The following AGBL4 variants were observed in gnomAD, a reference collection of about 807,000 sequenced individuals.
AGBL4 encodes the protein cytosolic carboxypeptidase 6.
A neutral mutation model predicts 66.4 loss-of-function variants in AGBL4; 58 were observed. That is an observed-to-expected ratio of 0.87 (90% CI 0.71 to 1.09). The LOEUF is 1.09. Among genes scored for constraint, AGBL4 ranks in the 50% least tolerant of loss-of-function variants. AGBL4 has a pLI of 0.00. For synonymous variants in AGBL4, 234 were observed against 222.9 expected, an observed-to-expected ratio of 1.05 and a Z score of -0.44; for missense variants, 579 against 631.0, an observed-to-expected ratio of 0.92 and a Z score of 0.88.
intron 1 of AGBL4, among the ~76,000 whole-genome samples, chr1:49,940,203 C>T (rs1426151253): frequency 6.6e-6 from 1 of 152,178 alleles, no homozygotes; most frequent in African/African-American, 2.4e-5. Context: ...CAGGAAACAA[C>T]AGGTGCTGGA....
At chr1:49,892,435 G>A (rs981672344) in intron 1 of AGBL4, among the ~76,000 whole-genome samples, 9 of 152,078 alleles carry the variant, frequency 5.9e-5, no homozygotes, top group African/African-American at 1.4e-4. Context: ...TCTACTTAGT[G>A]TGCTAAATTA....
chr1:48,679,333 C>T (rs918414444), intron 6 of AGBL4, among the ~76,000 whole-genome samples: 21 of 152,182 alleles, frequency 1.4e-4, no homozygotes, highest in African/African-American at 4.6e-4. Context: ...CCAGCTCTGA[C>T]ACCACTGGCT....
intron 6 of AGBL4, among the ~76,000 whole-genome samples, chr1:48,663,734 A>AT (rs903099253): frequency 1.9e-4 from 29 of 152,218 alleles, no homozygotes; most frequent in African/African-American, 7.0e-4. Context: ...AGCTATTTAT[A>AT]TATTAGTAAT....
intron 2 of AGBL4, among the ~76,000 whole-genome samples, chr1:49,737,536 A>T (rs1157974604): frequency 6.6e-6 from 1 of 152,152 alleles, no homozygotes; most frequent in Non-Finnish European, 1.5e-5. Context: ...TAGAGGTGGG[A>T]GAGAGAGACA....
intron 1 of AGBL4, among the ~76,000 whole-genome samples, chr1:49,919,917 T>C (rs1361118627): frequency 4.0e-5 from 6 of 150,930 alleles, no homozygotes; most frequent in South Asian, 4.2e-4. Context: ...CAGAACAGAG[T>C]CCTCAGAAAT....
intron 3 of AGBL4, among the ~76,000 whole-genome samples, chr1:49,410,742 A>G (rs1318399592): frequency 6.6e-6 from 1 of 152,210 alleles, no homozygotes; most frequent in African/African-American, 2.4e-5. Context: ...GTCTATGTAT[A>G]AAATGCAAAT....
chr1:49,941,630 A>G (rs1361724639), intron 1 of AGBL4, among the ~76,000 whole-genome samples: 1 of 152,118 alleles, frequency 6.6e-6, no homozygotes, highest in Non-Finnish European at 1.5e-5. Context: ...ATAAAAAATT[A>G]TATGATCATC....
chr1:49,604,023 T>C (rs1226445651), intron 3 of AGBL4, among the ~76,000 whole-genome samples: 1 of 151,780 alleles, frequency 6.6e-6, no homozygotes, highest in Non-Finnish European at 1.5e-5. Flanking sequence ...CGGTGAATTG[T>C]GCTGTAATAA....
rs1282696674 is a variant in AGBL4, at chr1:49,832,573, C to A, written c.157+18823G>T. 1.1e-4 allele frequency among the ~76,000 whole-genome samples: 16 copies of A among 151,952 alleles called. No homozygotes were observed. In the East Asian group the frequency reaches 3.1e-3, roughly 29 times the overall value. On this transcript the variant is annotated intron_variant, in intron 2 of 13. Transcript: ENST00000371839. The stretch of plus-strand genomic sequence containing the variant: ...TCTAGATCCCTGAGGAATCGCCACA[C>A]CGACTTCCACAATGGTTGAACTAGT...
intron 4 of AGBL4, among the ~76,000 whole-genome samples, chr1:49,078,430 T>C (rs994369904): frequency 2.0e-5 from 3 of 152,278 alleles, no homozygotes; most frequent in Non-Finnish European, 2.9e-5. Flanking sequence ...AAAACAGAAT[T>C]CTTGACTGTC....
intron 3 of AGBL4, among the ~76,000 whole-genome samples, chr1:49,630,324 C>G (rs941036881): frequency 1.3e-5 from 2 of 152,112 alleles, no homozygotes; most frequent in Non-Finnish European, 2.9e-5. Context: ...TTTCTGATAG[C>G]CTTGGAGTAT....
chr1:49,508,429 C>T lies in AGBL4; in HGVS notation c.282+188884G>A, dbSNP rs1435605897. On this transcript the variant is annotated intron_variant, in intron 3 of 13. Coordinates refer to ENST00000371839, the MANE Select transcript of AGBL4 (RefSeq NM_032785.4). ...CAGTATCTTTGACCTTCAATGTGGC[C>T]CATAGTAGAAAAATTAATAGTGAAA... Among the ~76,000 whole-genome samples, 3 of 151,816 alleles carry T rather than the reference C, an allele frequency of 2.0e-5. No individual in the cohort carries two copies. In the East Asian group the frequency reaches 5.8e-4, roughly 29 times the overall value.
At chr1:49,432,996 A>C (rs764153383) in intron 3 of AGBL4, among the ~76,000 whole-genome samples, 2 of 152,162 alleles carry the variant, frequency 1.3e-5, no homozygotes, top group Non-Finnish European at 2.9e-5. Flanking sequence ...TGCCTACATA[A>C]TGAAGCCTCC....
At chr1:48,637,009 G>A (rs776807342) in intron 8 of AGBL4, among the ~76,000 whole-genome samples, 6 of 152,210 alleles carry the variant, frequency 3.9e-5, no homozygotes, top group Non-Finnish European at 8.8e-5. Flanking sequence ...TAGAGTGATT[G>A]ATAAGAGATA....
intron 2 of AGBL4, among the ~76,000 whole-genome samples, chr1:49,779,545 G>C (rs1238407557): frequency 2.0e-5 from 3 of 152,104 alleles, no homozygotes; most frequent in Non-Finnish European, 2.9e-5. Flanking sequence ...CACTGAGTAA[G>C]AGTGGGAAAA....
chr1:49,117,746 GT>G (rs1317035913), intron 4 of AGBL4, among the ~76,000 whole-genome samples: 4 of 151,892 alleles, frequency 2.6e-5, no homozygotes, highest in Non-Finnish European at 5.9e-5. Context: ...GTTTTTTCCA[GT>G]TCTGTGAAGA....
chr1:48,549,698 T>C (rs57057390), intron 11 of AGBL4, among the ~76,000 whole-genome samples: 2,175 of 151,452 alleles, frequency 0.014, 57 homozygotes, highest in African/African-American at 0.05. Context: ...GCTTGAAAAC[T>C]GAGGAGAAAT....
At chr1:48,927,187 T>C (rs911671066) in intron 5 of AGBL4, among the ~76,000 whole-genome samples, 1 of 152,142 alleles carries the variant, frequency 6.6e-6, no homozygotes, top group Non-Finnish European at 1.5e-5. Flanking sequence ...AAAAAAGACG[T>C]ACCTGAGACT....
At chr1:49,067,093 T>C (rs1456715226) in intron 4 of AGBL4, among the ~76,000 whole-genome samples, 1 of 152,130 alleles carries the variant, frequency 6.6e-6, no homozygotes, top group African/African-American at 2.4e-5. Flanking sequence ...AGAAGTATTC[T>C]AAGTGCTGTG....
Sources: gnomAD v4.1 joint callset for allele counts (sites outside exome capture counted in the v4.1 genomes callset) on GRCh38, gnomAD v4.1.1 for gene constraint, MANE v1.5 for transcripts, NCBI Gene and HGNC (gene_info 2026-07-23, HGNC 2026-07-21) for gene names.